The following CSMD1 variants were observed in gnomAD, a reference collection of about 807,000 sequenced individuals.
The protein encoded by CSMD1 is CUB and Sushi multiple domains 1.
CSMD1 carries 213 observed loss-of-function variants against 417.5 expected under a neutral mutation model. The ratio of observed to expected loss-of-function variants is 0.51; its 90% CI spans 0.46 to 0.57. CSMD1 has a LOEUF of 0.57. Ranked by LOEUF, CSMD1 falls within the 20% of genes least tolerant of loss-of-function variation. The pLI is 0.00. For missense variants in CSMD1, 6,923 were observed against 4,529.7 expected, an observed-to-expected ratio of 1.53 and a Z score of -15.17; for synonymous variants, 2,862 against 1,736.8, an observed-to-expected ratio of 1.65 and a Z score of -16.11.
chr8:3,945,441 C>G (rs1191883917), intron 5 of CSMD1, among the ~76,000 whole-genome samples: 1 of 152,058 alleles, frequency 6.6e-6, no homozygotes, highest in Non-Finnish European at 1.5e-5. Flanking sequence ...CTTCAATAGT[C>G]TAACTGCTAA....
chr8:2,962,077 C>T (rs564839190), intron 61 of CSMD1, among the ~76,000 whole-genome samples: 66 of 152,040 alleles, frequency 4.3e-4, no homozygotes, highest in Non-Finnish European at 7.8e-4. Flanking sequence ...ATTAACCCAG[C>T]GATAAAACTT....
chr8:3,273,717 C>T (rs1278262757), intron 26 of CSMD1, among the ~76,000 whole-genome samples: 1 of 152,156 alleles, frequency 6.6e-6, no homozygotes, highest in African/African-American at 2.4e-5. Context: ...AGTTTATTTG[C>T]ATAGAGGTGT....
chr8:4,694,383 G>A (rs551848446), intron 1 of CSMD1, among the ~76,000 whole-genome samples: 5 of 151,636 alleles, frequency 3.3e-5, no homozygotes, highest in South Asian at 2.1e-4. Flanking sequence ...ACGGAGTCTC[G>A]CTCTGTCGCC....
chr8:3,840,506 G>A (rs539308369), intron 5 of CSMD1, among the ~76,000 whole-genome samples: 1 of 152,004 alleles, frequency 6.6e-6, no homozygotes, highest in African/African-American at 2.4e-5. Flanking sequence ...AAAAAATATA[G>A]GCAAAACAAA....
chr8:3,075,938 C>A (rs1813640275), intron 49 of CSMD1, among the ~76,000 whole-genome samples: 1 of 151,196 alleles, frequency 6.6e-6, no homozygotes. Context: ...GTAGTCCCAG[C>A]TCCTAGGGAC....
chr8:4,632,489 G>A (rs758641598), intron 2 of CSMD1, among the ~76,000 whole-genome samples: 17 of 152,164 alleles, frequency 1.1e-4, no homozygotes, highest in Admixed American at 2.0e-4. Context: ...TCCAGCCTGG[G>A]TGACAAGAGC....
chr8:3,842,196 T>G (rs900325743), intron 5 of CSMD1, among the ~76,000 whole-genome samples: 4 of 152,178 alleles, frequency 2.6e-5, no homozygotes, highest in Admixed American at 2.0e-4. Flanking sequence ...CATTGTAATA[T>G]TCCCATTTTC....
intron 36 of CSMD1, among the ~76,000 whole-genome samples, chr8:3,185,542 C>A (rs995074042): frequency 5.3e-5 from 8 of 152,156 alleles, no homozygotes; most frequent in African/African-American, 1.9e-4. Flanking sequence ...ATATTTAATA[C>A]TCTCTTTTGA....
At chr8:3,388,061 T>A (rs1246779815) in intron 17 of CSMD1, among the ~76,000 whole-genome samples, 5 of 152,252 alleles carry the variant, frequency 3.3e-5, no homozygotes, top group African/African-American at 1.2e-4. Context: ...GTATTAAATA[T>A]AGACATATGT....
chr8:4,245,348 G>T (rs1435333323), intron 3 of CSMD1, among the ~76,000 whole-genome samples: 3 of 152,162 alleles, frequency 2.0e-5, no homozygotes, highest in South Asian at 4.1e-4. Flanking sequence ...GGGTTGGGGT[G>T]GGAGGAAAGA....
chr8:4,736,427 T>A (rs1408269153), intron 1 of CSMD1, among the ~76,000 whole-genome samples: 1 of 151,894 alleles, frequency 6.6e-6, no homozygotes, highest in East Asian at 1.9e-4. Context: ...GTGAATGAAT[T>A]TGCATGAACA....
intron 25 of CSMD1, among the ~76,000 whole-genome samples, chr8:3,295,347 C>A (rs751264112): frequency 2.6e-5 from 4 of 151,876 alleles, no homozygotes; most frequent in African/African-American, 9.7e-5. Context: ...AGGAAGGTCT[C>A]GATCTCCTGA....
intron 1 of CSMD1, among the ~76,000 whole-genome samples, chr8:4,849,371 T>A: frequency 6.6e-6 from 1 of 152,142 alleles, no homozygotes; most frequent in African/African-American, 2.4e-5. Context: ...TGAAGTTAAT[T>A]TTTTTCTTTA....
chr8:3,801,934 G>C (rs145285159), intron 5 of CSMD1, among the ~76,000 whole-genome samples: 1 of 152,060 alleles, frequency 6.6e-6, no homozygotes, highest in Non-Finnish European at 1.5e-5. Context: ...TGGGGAGTCA[G>C]GGTAGAACAG....
chr8:3,091,472 G>A (rs1220350862), intron 48 of CSMD1, 44 bp downstream of exon 48: 4 of 1,470,404 alleles, frequency 2.7e-6, no homozygotes, highest in Non-Finnish European at 3.7e-6. Flanking sequence ...AAAATCACCT[G>A]TTTTAAAATA....
intron 6 of CSMD1, among the ~76,000 whole-genome samples, chr8:3,750,181 A>C (rs1478634654): frequency 6.6e-6 from 1 of 152,192 alleles, no homozygotes; most frequent in African/African-American, 2.4e-5. Context: ...TATCAATCCA[A>C]GTAACACTGA....
At chr8:4,894,864 CT>C (rs1166172246) in intron 1 of CSMD1, among the ~76,000 whole-genome samples, 1 of 152,034 alleles carries the variant, frequency 6.6e-6, no homozygotes, top group African/African-American at 2.4e-5. Context: ...CTCTGTGTGA[CT>C]TTATATGTTA....
chr8:3,275,771 C>T (rs1802238078), intron 26 of CSMD1, among the ~76,000 whole-genome samples: 1 of 152,172 alleles, frequency 6.6e-6, no homozygotes, highest in Admixed American at 6.5e-5. Context: ...CTTTGGTTTT[C>T]AGCTCCATCA....
At chr8:4,420,873 C>T (rs1797212987) in intron 2 of CSMD1, among the ~76,000 whole-genome samples, 1 of 152,124 alleles carries the variant, frequency 6.6e-6, no homozygotes, top group East Asian at 1.9e-4. Flanking sequence ...TGCTGTGAAG[C>T]CTGGTCTGTC....
Sources: gnomAD v4.1 joint callset for allele counts (sites outside exome capture counted in the v4.1 genomes callset) on GRCh38, gnomAD v4.1.1 for gene constraint, MANE v1.5 for transcripts, NCBI Gene and HGNC (gene_info 2026-07-23, HGNC 2026-07-21) for gene names.